The following NBEA variants were observed in gnomAD, a reference collection of about 807,000 sequenced individuals.
NBEA encodes lysosomal-trafficking regulator 2.
In NBEA, 44 loss-of-function variants were observed where a neutral mutation model predicts 343.4. The observed-to-expected ratio is 0.13, with a 90% CI of 0.10 to 0.16. The LOEUF (loss-of-function observed/expected upper bound fraction) is 0.16. Ranked by LOEUF, NBEA falls within the 10% of genes least tolerant of loss-of-function variation. The probability of loss-of-function intolerance (pLI) is 1.00; values close to 1 mark genes in which losing one functional copy is unlikely to be tolerated. For missense variants in NBEA, 2,555 were observed against 3,631.3 expected (o/e 0.70, Z 7.62); for synonymous variants, 1,175 against 1,238.7 (o/e 0.95, Z 1.08).
At chr13:35,322,387 G>A (rs530878834) in intron 36 of NBEA, among the ~76,000 whole-genome samples, 58 of 152,284 alleles carry the variant, frequency 3.8e-4, no homozygotes, top group East Asian at 9.7e-4. Flanking sequence ...CAGGTGAGGC[G>A]ATGCCCCACC....
intron 41 of NBEA, among the ~76,000 whole-genome samples, chr13:35,535,559 G>T (rs1220881235): frequency 1.3e-5 from 2 of 152,078 alleles, no homozygotes; most frequent in African/African-American, 4.8e-5. Context: ...GGTAGGGGAG[G>T]ATCGTGAATT....
At chr13:35,052,269 G>T (rs2063089866) in intron 6 of NBEA, among the ~76,000 whole-genome samples, 1 of 151,744 alleles carries the variant, frequency 6.6e-6, no homozygotes, top group Non-Finnish European at 1.5e-5. Context: ...AGATTTACTG[G>T]CCTTTCAAAA....
intron 24 of NBEA, 111 bp downstream of exon 24, chr13:35,164,620 C>A: frequency 8.6e-7 from 1 of 1,160,166 alleles, no homozygotes; most frequent in Non-Finnish European, 1.2e-6. Context: ...ACTTTTTAGG[C>A]AAATTTTTAA....
chr13:35,534,598 G>A (rs2078436792), intron 41 of NBEA, among the ~76,000 whole-genome samples: 1 of 152,168 alleles, frequency 6.6e-6, no homozygotes, highest in African/African-American at 2.4e-5. Flanking sequence ...CTGTAGACAT[G>A]TGACCTCTGT....
chr13:35,187,579 A>G (rs939012983), intron 30 of NBEA, among the ~76,000 whole-genome samples: 1 of 151,876 alleles, frequency 6.6e-6, no homozygotes, highest in South Asian at 2.1e-4. Flanking sequence ...ATGCCTTAAC[A>G]TGGCAAAACT....
chr13:34,985,994 A>G (rs2060531255), intron 1 of NBEA, among the ~76,000 whole-genome samples: 1 of 149,854 alleles, frequency 6.7e-6, no homozygotes, highest in South Asian at 2.1e-4. Context: ...CAGCTCCTGG[A>G]TTCATGGTTT....
intron 36 of NBEA, among the ~76,000 whole-genome samples, chr13:35,330,933 T>C (rs979891948): frequency 1.3e-5 from 2 of 152,052 alleles, no homozygotes; most frequent in African/African-American, 4.8e-5. Flanking sequence ...TTACAGCCTA[T>C]GAAAATGAGT....
At chr13:35,447,703 A>G (rs1466758365) in intron 39 of NBEA, among the ~76,000 whole-genome samples, 2 of 152,138 alleles carry the variant, frequency 1.3e-5, no homozygotes, top group Non-Finnish European at 2.9e-5. Flanking sequence ...CCAGCTTTAC[A>G]CATAATATAC....
chr13:35,049,704 G>A (rs997763367), intron 5 of NBEA, among the ~76,000 whole-genome samples: 24 of 151,594 alleles, frequency 1.6e-4, no homozygotes, highest in Admixed American at 6.6e-5. Context: ...TTTCTACATC[G>A]TGATAAATTT....
intron 1 of NBEA, among the ~76,000 whole-genome samples, chr13:35,014,480 T>C (rs917019704): frequency 1.3e-5 from 2 of 152,192 alleles, no homozygotes; most frequent in South Asian, 2.1e-4. Flanking sequence ...TTAGAGGTCA[T>C]ATAATTTTGA....
intron 7 of NBEA, among the ~76,000 whole-genome samples, chr13:35,057,918 A>G: frequency 6.6e-6 from 1 of 152,134 alleles, no homozygotes; most frequent in South Asian, 2.1e-4. Context: ...CTCCATTCAC[A>G]ATTTTTTTTG....
chr13:35,019,516 C>T (rs780054068), intron 1 of NBEA, among the ~76,000 whole-genome samples: 24 of 151,892 alleles, frequency 1.6e-4, no homozygotes, highest in Non-Finnish European at 2.6e-4. Flanking sequence ...CCAGGCTGGT[C>T]TCGAACTCCT....
intron 4 of NBEA, among the ~76,000 whole-genome samples, chr13:35,047,969 A>G (rs992658969): frequency 4.6e-5 from 7 of 151,676 alleles, no homozygotes; most frequent in Non-Finnish European, 7.4e-5. Flanking sequence ...GGAGTCCTAT[A>G]TTACTCCTTT....
intron 41 of NBEA, among the ~76,000 whole-genome samples, chr13:35,480,279 A>G (rs1389678692): frequency 6.6e-6 from 1 of 152,102 alleles, no homozygotes; most frequent in Non-Finnish European, 1.5e-5. Context: ...TAATTCATAA[A>G]TAGTGTCATT....
intron 38 of NBEA, among the ~76,000 whole-genome samples, chr13:35,357,933 C>T (rs2040584673): frequency 6.6e-6 from 1 of 152,048 alleles, no homozygotes; most frequent in Non-Finnish European, 1.5e-5. Context: ...TGCAAAGACC[C>T]TTTTAAAAAT....
intron 1 of NBEA, among the ~76,000 whole-genome samples, chr13:34,980,929 G>C (rs529449963): frequency 6.6e-6 from 1 of 152,010 alleles, no homozygotes; most frequent in East Asian, 1.9e-4. Context: ...CTTCATTGAG[G>C]TATAATTTAT....
intron 41 of NBEA, among the ~76,000 whole-genome samples, chr13:35,488,490 A>G (rs751762460): frequency 1.3e-5 from 2 of 151,908 alleles, no homozygotes; most frequent in African/African-American, 4.8e-5. Context: ...TAAATTTTGT[A>G]TCTACAAATG....
At chr13:35,282,485 G>C (rs17051983) in intron 34 of NBEA, among the ~76,000 whole-genome samples, 12,096 of 152,112 alleles carry the variant, frequency 0.08, 529 homozygotes, top group South Asian at 0.12. Context: ...AGCTCAGAGA[G>C]AAATAAAGAA....
chr13:35,094,108 A>G (rs1009863698), intron 10 of NBEA, among the ~76,000 whole-genome samples: 1 of 151,988 alleles, frequency 6.6e-6, no homozygotes, highest in Admixed American at 6.6e-5. Flanking sequence ...TATTTGTCAA[A>G]AATAAAATAC....
Sources: gnomAD v4.1 joint callset for allele counts (sites outside exome capture counted in the v4.1 genomes callset) on GRCh38, gnomAD v4.1.1 for gene constraint, MANE v1.5 for transcripts, NCBI Gene and HGNC (gene_info 2026-07-23, HGNC 2026-07-21) for gene names.